Variants in PCDH15 observed in about 807,000 individuals in gnomAD.
PCDH15 encodes protocadherin-15.
Under a neutral mutation model 178.5 loss-of-function variants are expected in PCDH15, and 129 were observed. The ratio of observed to expected loss-of-function variants is 0.72; its 90% confidence interval spans 0.63 to 0.84. The LOEUF is 0.84. PCDH15 is among the 40% of genes least tolerant of loss of function. The pLI is 0.00. For synonymous variants in PCDH15, 800 were observed against 732.0 expected (o/e 1.09, Z -1.50); for missense variants, 2,230 against 2,099.9 (o/e 1.06, Z -1.21).
At position 55,557,749 on chromosome 10, in the gene PCDH15, G is replaced by C. The variant is rs116650832; in HGVS notation, c.-156+69876C>G. ...TCAATAGTGATCCCGAAGGACAGAA[G>C]TCAGAAAAATTTTCCCCATGGACAC... On this transcript the variant is annotated intron_variant, in intron 2 of 5. Transcript: ENST00000613346. Among the ~76,000 whole-genome samples the C allele has an allele frequency of 2.0e-3, 297 of 152,192 alleles. 1 individual carries two copies. The highest frequency in any genetic ancestry group is 6.9e-3 in the African/African-American group (285 of 41,526).
chr10:54,138,170 G>A (rs2043057761), intron 14 of PCDH15, among the ~76,000 whole-genome samples: 1 of 152,098 alleles, frequency 6.6e-6, no homozygotes, highest in Non-Finnish European at 1.5e-5. Context: ...CTGAAAGTGG[G>A]AAGCATCCTG....
chr10:54,808,998 C>T (rs774554454), intron 3 of PCDH15, among the ~76,000 whole-genome samples: 4 of 151,044 alleles, frequency 2.6e-5, no homozygotes, highest in Non-Finnish European at 5.9e-5. Flanking sequence ...ATGCTGACAA[C>T]CTGAGAAACA....
chr10:54,427,097 C>A (rs1956356701), intron 3 of PCDH15, among the ~76,000 whole-genome samples: 1 of 150,702 alleles, frequency 6.6e-6, no homozygotes, highest in Non-Finnish European at 1.5e-5. Flanking sequence ...TGAAGATAGG[C>A]CTTTTCTGCT....
intron 2 of PCDH15, among the ~76,000 whole-genome samples, chr10:55,378,360 T>C (rs1170565132): frequency 1.3e-5 from 2 of 152,084 alleles, no homozygotes; most frequent in Admixed American, 1.3e-4. Context: ...AATCATAATA[T>C]GTTGAAAAAA....
At chr10:55,127,374 G>T (rs1185830345) in intron 2 of PCDH15, among the ~76,000 whole-genome samples, 1 of 151,980 alleles carries the variant, frequency 6.6e-6, no homozygotes, top group African/African-American at 2.4e-5. Context: ...GAACCAACTG[G>T]TTTATTTATG....
intron 15 of PCDH15, among the ~76,000 whole-genome samples, chr10:54,131,228 T>C (rs1317074925): frequency 2.0e-5 from 3 of 152,204 alleles, no homozygotes; most frequent in African/African-American, 4.8e-5. Context: ...TAAAATTATG[T>C]CTTACTTCAT....
intron 1 of PCDH15, among the ~76,000 whole-genome samples, chr10:55,276,633 G>A (rs941589042): frequency 1.3e-5 from 2 of 151,536 alleles, no homozygotes; most frequent in African/African-American, 4.9e-5. Context: ...AATTTTGCAA[G>A]TGAATCTGTG....
chr10:53,939,963 G>C (rs1423334460), intron 24 of PCDH15, among the ~76,000 whole-genome samples: 1 of 152,078 alleles, frequency 6.6e-6, no homozygotes, highest in Non-Finnish European at 1.5e-5. Context: ...TAGTAGCACA[G>C]TAATAATGTA....
intron 2 of PCDH15, among the ~76,000 whole-genome samples, chr10:54,915,917 C>T (rs935928309): frequency 4.6e-5 from 7 of 152,186 alleles, no homozygotes; most frequent in Admixed American, 1.3e-4. Context: ...CAACCTCCAC[C>T]TCCTGGGTTC....
intron 26 of PCDH15, among the ~76,000 whole-genome samples, chr10:53,870,018 A>G (rs1739900265): frequency 6.6e-6 from 1 of 152,216 alleles, no homozygotes; most frequent in African/African-American, 2.4e-5. Context: ...GTATAACAAC[A>G]CTATCACATT....
chr10:54,397,651 C>A (rs1951413958), intron 3 of PCDH15, among the ~76,000 whole-genome samples: 1 of 151,868 alleles, frequency 6.6e-6, no homozygotes, highest in African/African-American at 2.4e-5. Context: ...ATGTTTCCAA[C>A]AACATTGTGT....
At chr10:55,439,777 G>A (rs1298550019) in intron 2 of PCDH15, among the ~76,000 whole-genome samples, 1 of 152,060 alleles carries the variant, frequency 6.6e-6, no homozygotes, top group East Asian at 1.9e-4. Flanking sequence ...TGACAAACAG[G>A]ATAGCAGAAT....
At chr10:55,018,590 T>G (rs1214483523) in intron 2 of PCDH15, among the ~76,000 whole-genome samples, 4 of 152,080 alleles carry the variant, frequency 2.6e-5, no homozygotes. Flanking sequence ...ACTGCAATAG[T>G]CTATGAATAA....
In PCDH15 at chr10:55,614,920, A is replaced by G. The variant is rs115466594; in HGVS notation, c.-156+12705T>C. ...ATACACAAAATGTTCTACACAAATA[A>G]CAGCAAATTGTTTATTTCTAAGAAC... On this transcript the variant is annotated intron_variant, in intron 2 of 5. Transcript: ENST00000613346. Among the ~76,000 whole-genome samples the G allele has an allele frequency of 4.6e-3, 707 of 152,282 alleles. 6 individuals carry two copies. The highest frequency in any genetic ancestry group is 0.016 in the African/African-American group (674 of 41,578).
chr10:54,228,087 G>A (rs7913738), intron 9 of PCDH15, among the ~76,000 whole-genome samples: 8,324 of 152,100 alleles, frequency 0.055, 563 homozygotes, highest in African/African-American at 0.17. Flanking sequence ...TTCCAAAGTC[G>A]TTTCTGCATT....
intron 1 of PCDH15, among the ~76,000 whole-genome samples, chr10:54,725,999 G>A (rs1942441414): frequency 6.6e-6 from 1 of 150,774 alleles, no homozygotes; most frequent in African/African-American, 2.4e-5. Context: ...GCTGTTACAA[G>A]TACATGCATT....
intron 37 of PCDH15, chr10:53,809,533 T>C (rs2132376171): frequency 6.2e-7 from 1 of 1,607,970 alleles, no homozygotes; most frequent in Non-Finnish European, 8.5e-7. Context: ...TTTTTTAATT[T>C]TCTTTGGCTC....
chr10:55,102,808 AT>A (rs1259228113), intron 2 of PCDH15, among the ~76,000 whole-genome samples: 2 of 150,940 alleles, frequency 1.3e-5, no homozygotes, highest in African/African-American at 4.9e-5. Context: ...AATAACACAT[AT>A]TTTTGTGTTA....
At chr10:54,376,836 G>A (rs1176053001) in intron 4 of PCDH15, among the ~76,000 whole-genome samples, 3 of 152,028 alleles carry the variant, frequency 2.0e-5, no homozygotes, top group South Asian at 4.1e-4. Context: ...TATAATGATG[G>A]TAAATGAATT....
Sources: allele counts gnomAD v4.1 joint callset (sites outside exome capture counted in the v4.1 genomes callset), GRCh38; gene constraint gnomAD v4.1.1; transcripts MANE v1.5; gene names NCBI Gene and HGNC (gene_info 2026-07-23, HGNC 2026-07-21).